The following KLHDC4 variants were observed in gnomAD, a reference collection of about 807,000 sequenced individuals.
The protein encoded by KLHDC4 is kelch domain containing 4, also known as kelch domain-containing protein 4.
A neutral mutation model predicts 62.4 loss-of-function variants in KLHDC4; 90 were observed. That is an observed-to-expected ratio of 1.44 (90% CI 1.22 to 1.72). The LOEUF is 1.72. KLHDC4 is among the 40% of genes most tolerant of loss of function. The probability of loss-of-function intolerance (pLI) is 0.00; values close to 1 mark genes in which losing one functional copy is unlikely to be tolerated. For synonymous variants in KLHDC4, 386 were observed against 284.4 expected (o/e 1.36, Z -3.59); for missense variants, 1,025 against 699.7 (o/e 1.47, Z -5.25).
At chr16:87,703,172 T>C (rs1469453), downstream of KLHDC4, 24,406 of 152,132 alleles carry the variant, frequency 0.16, 2,225 homozygotes, top group Admixed American at 0.23. Flanking sequence ...CTCCTGGTTT[T>C]CGAGCAGGAA....
rs199885367 is a variant in KLHDC4 at position 87,708,398 on chromosome 16, C to G, written c.1516G>C (p.Gly506Arg). ...DSEEVEGAEG[G>R]VDDEDSGEES... ...TCTCCGCTGTCTTCGTCGTCGACCC[C>G]ACCCTCGGCGCCCTCAACCTCCTCA... The change falls in exon 11 of 12, where the codon GGG (glycine) becomes CGG (arginine). Residue 506 changes from glycine (G) to arginine (R), a missense_variant. Transcript: ENST00000270583. The G allele has an allele frequency of 1.2e-3, 1,896 of 1,611,788 alleles. 3 individuals carry two copies. Among genetic ancestry groups the G allele is most frequent in the Non-Finnish European group, 1.5e-3 (1,801 of 1,179,502 alleles).
chr16:87,740,950 G>T (rs1417986599), intron 5 of KLHDC4: 1 of 152,208 alleles, frequency 6.6e-6, no homozygotes, highest in Non-Finnish European at 1.5e-5. Context: ...AGACTGAAGA[G>T]ATCTCAAAAT....
chr16:87,761,827 G>A, intron 2 of KLHDC4, 122 bp downstream of exon 2: 2 of 955,696 alleles, frequency 2.1e-6, no homozygotes, highest in Non-Finnish European at 3.3e-6. Flanking sequence ...ACCAAGAACA[G>A]GTTTTAATAA....
intron 4 of KLHDC4, among the ~76,000 whole-genome samples, chr16:87,749,624 C>A (rs1260743552): frequency 1.3e-5 from 2 of 151,904 alleles, no homozygotes; most frequent in African/African-American, 4.8e-5. Context: ...TGCTCTATTG[C>A]CCAGACTGGA....
At chr16:87,727,818 C>T (rs2039641745) in intron 6 of KLHDC4, among the ~76,000 whole-genome samples, 3 of 152,136 alleles carry the variant, frequency 2.0e-5, no homozygotes, top group Admixed American at 2.0e-4. Context: ...CGGTTTTCTC[C>T]TGTTTGTTCC....
exon 1 of KLHDC4, chr16:87,702,074 T>C: frequency 2.2e-6 from 1 of 452,802 alleles, no homozygotes; most frequent in Non-Finnish European, 4.4e-6. Flanking sequence ...TGTGAGAACT[T>C]GTGACCCCCG....
At chr16:87,748,835 G>A (rs2043442190) in intron 4 of KLHDC4, 26 bp from the exon 5 acceptor site, 1 of 1,610,790 alleles carries the variant, frequency 6.2e-7, no homozygotes, top group South Asian at 1.1e-5. Context: ...TGACAGGTCA[G>A]GGCACAGCCA....
intron 5 of KLHDC4, among the ~76,000 whole-genome samples, chr16:87,742,207 G>A (rs2042339534): frequency 6.6e-6 from 1 of 152,086 alleles, no homozygotes; most frequent in South Asian, 2.1e-4. Context: ...GCACCAGGAT[G>A]CCACACACCG....
chr16:87,720,660 G>A (rs1316116489), intron 7 of KLHDC4, among the ~76,000 whole-genome samples: 1 of 152,258 alleles, frequency 6.6e-6, no homozygotes, highest in East Asian at 1.9e-4. Flanking sequence ...CGTGTCGCGA[G>A]AGCAGCATGA....
In KLHDC4 at chr16:87,755,282, T is replaced by A. The variant is rs369024206; in HGVS notation, c.281A>T (p.Tyr94Phe). 8.2e-6 allele frequency: 13 copies of A among 1,589,298 alleles called. No individual in the cohort carries two copies. In the African/African-American group the frequency reaches 1.6e-4, roughly 20 times the overall value. ...EYFNGQKTFL[Y>F]NELYVYNTRK... ...GGTATTGTAGACATAGAGCTCGTTA[T>A]ACAAAAAAGTCTACAGGAAGGAAGA... The change falls in exon 4 of 12, where the codon TAT becomes TTT. Residue 94 changes from tyrosine (Y) to phenylalanine (F), a missense_variant. By Grantham distance (22) the Tyr-to-Phe change is conservative (BLOSUM62 3). Coordinates refer to ENST00000270583, the MANE Select transcript of KLHDC4 (RefSeq NM_017566.4).
chr16:87,723,427 C>T (rs954745692), intron 7 of KLHDC4, among the ~76,000 whole-genome samples: 7 of 152,372 alleles, frequency 4.6e-5, no homozygotes, highest in African/African-American at 9.6e-5. Context: ...CTGATGAAAG[C>T]GATACAGCTT....
intron 7 of KLHDC4, among the ~76,000 whole-genome samples, chr16:87,718,983 G>T (rs1370749212): frequency 2.0e-5 from 3 of 151,520 alleles, no homozygotes; most frequent in Admixed American, 6.6e-5. Context: ...GAGCCCCTCC[G>T]CCCGGCAGCC....
chr16:87,754,378 A>G (rs528874590), intron 4 of KLHDC4, among the ~76,000 whole-genome samples: 26 of 152,338 alleles, frequency 1.7e-4, no homozygotes, highest in African/African-American at 6.3e-4. Flanking sequence ...AGCGTATACA[A>G]ATCTGATTTT....
rs1251605061 is a variant in KLHDC4 at position 87,762,202 on chromosome 16, C to T, written c.100-162G>A. 5.0e-6 allele frequency: 7 copies of T among 1,404,158 alleles called. No individual in the cohort carries two copies. In the African/African-American group the frequency reaches 5.8e-5, roughly 12 times the overall value. The allele number at this position is 1,404,158 out of a possible 1,614,324, so 87.0% of individuals were successfully genotyped here. On this transcript the variant is annotated intron_variant, in intron 1 of 11. Transcript: ENST00000270583. Reference sequence around the variant, plus strand: ...TTTGAAATGCAGAGTTTGACACATTCGAAAGTAACCAGAGCTTGACCTCAA... The same window carrying T: ...TTTGAAATGCAGAGTTTGACACATTTGAAAGTAACCAGAGCTTGACCTCAA...
At chr16:87,715,093 C>A (rs1324756108) in intron 7 of KLHDC4, among the ~76,000 whole-genome samples, 1 of 152,212 alleles carries the variant, frequency 6.6e-6, no homozygotes, top group Admixed American at 6.5e-5. Flanking sequence ...TGAGCCTCAG[C>A]TGGACCAGGT....
chr16:87,706,371 G>T (rs553122406), downstream of KLHDC4, among the ~76,000 whole-genome samples: 3 of 131,932 alleles, frequency 2.3e-5, no homozygotes, highest in Non-Finnish European at 4.8e-5. Flanking sequence ...TGCAGCCCTT[G>T]GGGGGGTCGG....
At chr16:87,743,528 CAGG>C (rs2042558712) in intron 5 of KLHDC4, among the ~76,000 whole-genome samples, 1 of 151,796 alleles carries the variant, frequency 6.6e-6, no homozygotes, top group Non-Finnish European at 1.5e-5. Context: ...TCATGAGGGT[CAGG>C]AGATCGAGAC....
At chr16:87,738,607 A>ACC (rs2041759237) in intron 5 of KLHDC4, among the ~76,000 whole-genome samples, 2 of 110,212 alleles carry the variant, frequency 1.8e-5, no homozygotes, top group African/African-American at 3.3e-5. Flanking sequence ...ATCCATCCAC[A>ACC]CAGCACCTCA....
At chr16:87,753,618 G>A (rs187146192) in intron 4 of KLHDC4, among the ~76,000 whole-genome samples, 201 of 150,984 alleles carry the variant, frequency 1.3e-3, no homozygotes, top group African/African-American at 4.6e-3. Flanking sequence ...TGGCCAACAT[G>A]GTGAAACCCC....
Sources: allele counts gnomAD v4.1 joint callset (sites outside exome capture counted in the v4.1 genomes callset), GRCh38; gene constraint gnomAD v4.1.1; transcripts MANE v1.5; gene names NCBI Gene and HGNC (gene_info 2026-07-23, HGNC 2026-07-21).